OTUD7A: variants seen among roughly 807,000 people sequenced by gnomAD.
OTUD7A encodes the protein OTU domain-containing protein 7A.
OTUD7A carries 12 observed loss-of-function variants against 65.7 expected under a neutral mutation model. That is an observed-to-expected ratio of 0.18 (90% CI 0.12 to 0.30). The LOEUF is 0.30. OTUD7A is among the 10% of genes least tolerant of loss of function. The pLI is 1.00. For synonymous variants in OTUD7A, 641 were observed against 586.3 expected, an observed-to-expected ratio of 1.09 and a Z score of -1.35; for missense variants, 1,148 against 1,304.8, an observed-to-expected ratio of 0.88 and a Z score of 1.85.
chr15:31,860,677 G>GTGTGTATATATATATATATATA lies in OTUD7A; in HGVS notation c.-100+9829_-100+9830insTATATATATATATATATACACA, dbSNP rs560896384. Among the ~76,000 whole-genome samples the GTGTGTATATATATATATATATA allele has an allele frequency of 6.2e-3, 452 of 73,280 alleles. 19 individuals carry two copies. The highest frequency in any genetic ancestry group is 0.012 in the South Asian group (19 of 1,646). The allele number at this position is 73,280 out of a possible 152,430, so 48.1% of individuals were successfully genotyped here. On this transcript the variant is annotated intron_variant, in intron 1 of 12. Coordinates refer to ENST00000307050, the MANE Select transcript of OTUD7A (RefSeq NM_001382637.1). ...TGTGTGTATATATAGATGTATGTGT[G>GTGTGTATATATATATATATATA]TATATATATATATATATATATATGT... is the stretch of plus-strand genomic sequence containing the variant.
At chr15:31,568,438 T>C (rs1324189238) in intron 4 of OTUD7A, among the ~76,000 whole-genome samples, 1 of 152,240 alleles carries the variant, frequency 6.6e-6, no homozygotes, top group African/African-American at 2.4e-5. Context: ...AGTGAATAAC[T>C]TGTTTTTGAT....
At chr15:31,623,721 G>C (rs1231888336) in intron 3 of OTUD7A, among the ~76,000 whole-genome samples, 1 of 152,222 alleles carries the variant, frequency 6.6e-6, no homozygotes, top group African/African-American at 2.4e-5. Flanking sequence ...CCCGGGTGAG[G>C]TGATGCCTCA....
chr15:31,774,888 C>T (rs1160472280), intron 1 of OTUD7A, among the ~76,000 whole-genome samples: 1 of 150,934 alleles, frequency 6.6e-6, no homozygotes, highest in South Asian at 2.1e-4. Flanking sequence ...GTGACGTTGT[C>T]CTGGCCTTCT....
chr15:31,678,470 G>T (rs1025882219), intron 1 of OTUD7A, among the ~76,000 whole-genome samples: 2 of 152,168 alleles, frequency 1.3e-5, no homozygotes, highest in South Asian at 2.1e-4. Context: ...AGGAGGCCTA[G>T]GAGGAAAAAA....
intron 3 of OTUD7A, among the ~76,000 whole-genome samples, chr15:31,581,918 A>G (rs1234532252): frequency 6.6e-6 from 1 of 152,250 alleles, no homozygotes; most frequent in Non-Finnish European, 1.5e-5. Context: ...CTACTGCATT[A>G]TCAGACTGCA....
intron 1 of OTUD7A, among the ~76,000 whole-genome samples, chr15:31,662,911 C>A (rs959058203): frequency 3.9e-5 from 6 of 152,230 alleles, no homozygotes; most frequent in African/African-American, 1.4e-4. Context: ...TTCAATTTAT[C>A]CTGCTCAAAT....
At chr15:31,630,457 C>T (rs376278778) in intron 3 of OTUD7A, among the ~76,000 whole-genome samples, 1 of 152,172 alleles carries the variant, frequency 6.6e-6, no homozygotes, top group African/African-American at 2.4e-5. Flanking sequence ...GTCTGAGAGA[C>T]AGTTTGTTAT....
chr15:31,501,052 A>C (rs575885353), intron 10 of OTUD7A, among the ~76,000 whole-genome samples: 1 of 152,400 alleles, frequency 6.6e-6, no homozygotes, highest in East Asian at 1.9e-4. Context: ...CTGGCCCAAC[A>C]TCAGCAGCAC....
chr15:31,636,513 C>T (rs1891346701), intron 3 of OTUD7A, among the ~76,000 whole-genome samples: 1 of 151,846 alleles, frequency 6.6e-6, no homozygotes, highest in African/African-American at 2.4e-5. Flanking sequence ...TAAAGTTAGG[C>T]TATTAACAAC....
In OTUD7A at chr15:31,867,922, G is replaced by A. The variant is rs1038017453; in HGVS notation, c.-100+2585C>T. Among the ~76,000 whole-genome samples the A allele has an allele frequency of 2.8e-4, 41 of 149,088 alleles. 1 individual carries two copies. The highest frequency in any genetic ancestry group is 4.8e-4 in the Non-Finnish European group (32 of 67,298). On this transcript the variant is annotated intron_variant, in intron 1 of 12. Transcript: ENST00000307050. ...GGGAGCGGAGGGGGAGGGGCGGGGG[G>A]CGGGGGCGGAGCACACCGGCGCACA...
At chr15:31,573,074 A>G (rs891733733) in intron 3 of OTUD7A, among the ~76,000 whole-genome samples, 2 of 152,218 alleles carry the variant, frequency 1.3e-5, no homozygotes, top group Non-Finnish European at 2.9e-5. Context: ...CAATACCAAC[A>G]TATTTTAAAA....
intron 5 of OTUD7A, among the ~76,000 whole-genome samples, chr15:31,541,916 C>T (rs921707270): frequency 9.9e-5 from 15 of 152,104 alleles, no homozygotes; most frequent in African/African-American, 3.6e-4. Context: ...TTAGCCTAGG[C>T]TTAGCAGAGG....
intron 1 of OTUD7A, among the ~76,000 whole-genome samples, chr15:31,705,517 C>CTCCAGA (rs1893310081): frequency 6.6e-6 from 1 of 151,140 alleles, no homozygotes; most frequent in Non-Finnish European, 1.5e-5. Context: ...GACAAGCCAT[C>CTCCAGA]TGGACTCCTT....
intron 1 of OTUD7A, among the ~76,000 whole-genome samples, chr15:31,738,298 C>G (rs960481012): frequency 1.3e-4 from 20 of 152,024 alleles, no homozygotes; most frequent in Non-Finnish European, 2.2e-4. Context: ...CTGTGGATCC[C>G]TTATCTCCCA....
chr15:31,743,448 C>CT (rs1894395059), intron 1 of OTUD7A, among the ~76,000 whole-genome samples: 1 of 152,062 alleles, frequency 6.6e-6, no homozygotes, highest in African/African-American at 2.4e-5. Context: ...TGCAGCTAAA[C>CT]TGTGCTTCCA....
chr15:31,563,636 G>A (rs1888767139), intron 4 of OTUD7A, among the ~76,000 whole-genome samples: 1 of 152,182 alleles, frequency 6.6e-6, no homozygotes, highest in Non-Finnish European at 1.5e-5. Flanking sequence ...GGTGGTGCTG[G>A]AGCACAGCTG....
In OTUD7A at chr15:31,644,908, C is replaced by T. The variant is rs536583107; in HGVS notation, c.151+10188G>A. Reference sequence around the variant, plus strand: ...ACTTTCCATGGCTCTGTATCAGCCCCAGGCACTGTTTCCTCTAATCCTCTC... The same window carrying T: ...ACTTTCCATGGCTCTGTATCAGCCCTAGGCACTGTTTCCTCTAATCCTCTC... On this transcript the variant is annotated intron_variant, in intron 3 of 12. Coordinates refer to ENST00000307050, the MANE Select transcript of OTUD7A (RefSeq NM_001382637.1). 2.0e-5 allele frequency among the ~76,000 whole-genome samples: 3 copies of T among 152,334 alleles called. No homozygotes were observed. In the East Asian group the frequency reaches 5.8e-4, roughly 29 times the overall value.
chr15:31,767,931 A>T (rs1405697901), intron 1 of OTUD7A: 5 of 1,540,040 alleles, frequency 3.2e-6, no homozygotes, highest in Non-Finnish European at 4.5e-6. Context: ...ACATTTTCTG[A>T]TCCCCACCTC....
intron 1 of OTUD7A, among the ~76,000 whole-genome samples, chr15:31,826,862 A>T (rs1000438900): frequency 6.6e-6 from 1 of 152,196 alleles, no homozygotes; most frequent in Non-Finnish European, 1.5e-5. Flanking sequence ...GCTGGTCTCT[A>T]CGCTAAAACA....
Sources: allele counts gnomAD v4.1 joint callset (sites outside exome capture counted in the v4.1 genomes callset), GRCh38; gene constraint gnomAD v4.1.1; transcripts MANE v1.5; gene names NCBI Gene and HGNC (gene_info 2026-07-23, HGNC 2026-07-21).